The following RNF19A variants were observed in gnomAD, a reference collection of about 807,000 sequenced individuals.
The protein encoded by RNF19A is E3 ubiquitin-protein ligase RNF19A.
A neutral mutation model predicts 75.7 loss-of-function variants in RNF19A; 32 were observed. That is an observed-to-expected ratio of 0.42 (90% CI 0.32 to 0.57). The LOEUF (loss-of-function observed/expected upper bound fraction) is 0.57. Ranked by LOEUF, RNF19A falls within the 20% of genes least tolerant of loss-of-function variation. The pLI, the probability that RNF19A is intolerant of heterozygous loss-of-function variation, is 0.10. For synonymous variants in RNF19A, 335 were observed against 345.2 expected (o/e 0.97, Z 0.33); for missense variants, 782 against 1,036.3 (o/e 0.75, Z 3.37).
intron 7 of RNF19A, among the ~76,000 whole-genome samples, chr8:100,262,097 A>G (rs139686864): frequency 2.0e-5 from 3 of 152,326 alleles, no homozygotes; most frequent in African/African-American, 4.8e-5. Flanking sequence ...AATAGGCTAA[A>G]AGTTGATTTC....
intron 2 of RNF19A, among the ~76,000 whole-genome samples, chr8:100,285,424 C>T (rs1216431979): frequency 1.3e-5 from 2 of 152,100 alleles, no homozygotes; most frequent in African/African-American, 4.8e-5. Flanking sequence ...AGTTCTTATA[C>T]AAATTATAAT....
Position 100,317,215 on chromosome 8 carries a change from G to A in RNF19A, c.-242-3843C>T, listed in dbSNP as rs907910145. On this transcript the variant is annotated intron_variant, in intron 1 of 3. Transcript: ENST00000519527. This position sits in a 1 kb window ranked among gnomAD's most constrained non-coding sequence, Gnocchi z 4.3. The stretch of plus-strand genomic sequence containing the variant: ...AGGGAGTGGGCTCCAGCCTTGGCCA[G>A]CCCAGAAAGGGGCTCTCACAGTGCA... Among the ~76,000 whole-genome samples, 4 of 152,234 alleles carry A rather than the reference G, an allele frequency of 2.6e-5. No homozygotes were observed. Among genetic ancestry groups the A allele is most frequent in the Non-Finnish European group, 5.9e-5 (4 of 68,028 alleles).
chr8:100,268,758 TG>T, intron 5 of RNF19A, 26 bp downstream of exon 5: 1 of 1,434,828 alleles, frequency 7.0e-7, no homozygotes. Flanking sequence ...AATAAGATAA[TG>T]GACTAACAAG....
intron 3 of RNF19A, 21 bp downstream of exon 3, chr8:100,274,932 G>GA (rs1449492047): frequency 1.2e-5 from 18 of 1,558,390 alleles, no homozygotes; most frequent in Non-Finnish European, 1.6e-5. Flanking sequence ...TATTTTATTA[G>GA]AAAAAATTAG....
intron 1 of RNF19A, chr8:100,309,564 G>A (rs1822213114): frequency 9.2e-6 from 9 of 980,120 alleles, no homozygotes; most frequent in Non-Finnish European, 1.1e-5. Flanking sequence ...ACAGGCACCA[G>A]GAGGACAGGG....
intron 2 of RNF19A, among the ~76,000 whole-genome samples, chr8:100,279,872 T>C (rs777059698): frequency 2.0e-5 from 3 of 150,912 alleles, no homozygotes; most frequent in Non-Finnish European, 2.9e-5. Context: ...GCCATGTTAG[T>C]CAGGCTGGTC....
rs551872664 is a variant in RNF19A at position 100,329,120 on chromosome 8, G to A, written c.-243+6988C>T. On this transcript the variant is annotated intron_variant, in intron 1 of 3. Coordinates refer to the RNF19A transcript ENST00000519527. The surrounding 1 kb of genome is among the most constrained non-coding windows in gnomAD (Gnocchi z 4.3). ...GATATAGGAGAGGGAGAGGGGTGGTGTAGCTTACAGACACCAAAGTGTTCG... is the reference window on the plus strand; with the variant it reads ...GATATAGGAGAGGGAGAGGGGTGGTATAGCTTACAGACACCAAAGTGTTCG... 3.3e-5 allele frequency among the ~76,000 whole-genome samples: 5 copies of A among 152,282 alleles called. No homozygotes were observed. The highest frequency in any genetic ancestry group is 5.9e-5 in the Non-Finnish European group (4 of 68,016).
intron 1 of RNF19A, among the ~76,000 whole-genome samples, chr8:100,303,762 A>AT (rs1491266614): frequency 4.8e-5 from 4 of 82,812 alleles, no homozygotes; most frequent in Non-Finnish European, 8.0e-5. Context: ...CGCCGCTTGT[A>AT]AAAAAAAAAA....
At chr8:100,316,726 C>A (rs1256649803) in intron 1 of RNF19A, among the ~76,000 whole-genome samples, 3 of 152,262 alleles carry the variant, frequency 2.0e-5, no homozygotes, top group African/African-American at 7.2e-5. Flanking sequence ...GATCCCGCAC[C>A]AGGGCTGCAG....
intron 1 of RNF19A, among the ~76,000 whole-genome samples, chr8:100,304,122 A>C (rs1377188196): frequency 6.6e-6 from 1 of 151,888 alleles, no homozygotes; most frequent in Non-Finnish European, 1.5e-5. Flanking sequence ...ATACCTAGGT[A>C]AATTTTTTTT....
intron 1 of RNF19A, among the ~76,000 whole-genome samples, chr8:100,328,343 T>C (rs745495664): frequency 6.6e-6 from 1 of 152,172 alleles, no homozygotes; most frequent in Non-Finnish European, 1.5e-5. Context: ...GTGGAAATTA[T>C]CAAATCCAAG....
chr8:100,278,086 T>C (rs561624585), intron 2 of RNF19A, among the ~76,000 whole-genome samples: 45 of 152,364 alleles, frequency 3.0e-4, no homozygotes, highest in Middle Eastern at 3.4e-3. Context: ...TTTAAGTAAA[T>C]TACATTATCT....
chr8:100,265,976 T>C (rs751821430), intron 5 of RNF19A, among the ~76,000 whole-genome samples: 5 of 152,228 alleles, frequency 3.3e-5, no homozygotes, highest in African/African-American at 4.8e-5. Flanking sequence ...CTGGGAAACT[T>C]AGCACTGAAG....
chr8:100,297,205 G>A (rs778365794), intron 1 of RNF19A, among the ~76,000 whole-genome samples: 11 of 152,112 alleles, frequency 7.2e-5, no homozygotes, highest in Non-Finnish European at 1.5e-4. Context: ...GACATTTAAT[G>A]CCCAATGTGA....
intron 1 of RNF19A, among the ~76,000 whole-genome samples, chr8:100,302,455 C>G (rs141024607): frequency 1.3e-3 from 198 of 152,268 alleles, no homozygotes; most frequent in African/African-American, 4.4e-3. Context: ...GAGCCAAGAC[C>G]AGAAGTTCAT....
chr8:100,288,137 T>C lies in RNF19A; in HGVS notation c.38A>G (p.Asn13Ser), dbSNP rs1208642861. The change falls in exon 2 of 10, where the codon AAT becomes AGT. Residue 13 changes from asparagine (N) to serine (S), a missense_variant. Physicochemically the swap from Asn to Ser is conservative, Grantham distance 46. Transcript: ENST00000341084. ...EQEIGFISKYNEGLCVNTDPV... is the reference protein window; with the variant it reads ...EQEIGFISKYSEGLCVNTDPV... ...GTCAGTGTTTACACACAGCCCTTCA[T>C]TATATTTAGAGATAAAACCTATTTC... 2 of 1,612,196 alleles carry C rather than the reference T, an allele frequency of 1.2e-6. No individual in the cohort carries two copies. The highest frequency in any genetic ancestry group is 1.7e-6 in the Non-Finnish European group (2 of 1,179,156).
rs149923186 is a variant in RNF19A at position 100,323,265 on chromosome 8, G to A, written c.-242-9893C>T. On this transcript the variant is annotated intron_variant, in intron 1 of 3. Coordinates refer to the RNF19A transcript ENST00000519527. This position sits in a 1 kb window ranked among gnomAD's most constrained non-coding sequence, Gnocchi z 4.6. ...TAGTATTTCATAGAAAGTTTTTAAG[G>A]AAGAAAGAAAACTTTATTCTTCTCT... 2.8e-3 allele frequency among the ~76,000 whole-genome samples: 424 copies of A among 152,286 alleles called. 4 individuals are homozygous for A. Among genetic ancestry groups the A allele is most frequent in the African/African-American group, 9.7e-3 (403 of 41,554 alleles).
At position 100,317,836 on chromosome 8, in the gene RNF19A, A is replaced by G. The variant is rs1822406134; in HGVS notation, c.-242-4464T>C. 5.3e-5 allele frequency among the ~76,000 whole-genome samples: 8 copies of G among 152,186 alleles called. No individual in the cohort carries two copies. The highest frequency in any genetic ancestry group is 5.2e-4 in the Admixed American group (8 of 15,284). Reference sequence around the variant, plus strand: ...CTCAGGACACTCATGGCTTACACCTATTGTGGGGACCTGATTATTAACAGT... The same window carrying G: ...CTCAGGACACTCATGGCTTACACCTGTTGTGGGGACCTGATTATTAACAGT... On this transcript the variant is annotated intron_variant, in intron 1 of 3. Transcript: ENST00000519527. This position sits in a 1 kb window ranked among gnomAD's most constrained non-coding sequence, Gnocchi z 4.3.
In RNF19A at chr8:100,302,699, G is replaced by C. The variant is rs753778582; in HGVS notation, c.-94+7168C>G. On this transcript the variant is annotated intron_variant, in intron 1 of 9. Transcript: ENST00000341084. ...CATCCCAACATTAAGATGTAGGGGA[G>C]AAGAGGCGAATCCAGTAAAGGAGAC... 3.9e-5 allele frequency among the ~76,000 whole-genome samples: 6 copies of C among 152,286 alleles called. No individual in the cohort carries two copies. In the East Asian group the frequency reaches 1.2e-3, roughly 29 times the overall value.
Sources: gnomAD v4.1 joint callset for allele counts (sites outside exome capture counted in the v4.1 genomes callset) on GRCh38, gnomAD v4.1.1 for gene constraint, Gnocchi (gnomAD v3.1) non-coding constraint, MANE v1.5 for transcripts, NCBI Gene and HGNC (gene_info 2026-07-23, HGNC 2026-07-21) for gene names.